Variants in PPDPFL observed in about 807,000 individuals in gnomAD.
PPDPFL encodes pancreatic progenitor cell differentiation and proliferation factor-like protein.
In PPDPFL, 12 loss-of-function variants were observed where a neutral mutation model predicts 12.6. The ratio of observed to expected loss-of-function variants is 0.95; its 90% CI spans 0.61 to 1.54. The LOEUF (loss-of-function observed/expected upper bound fraction) is 1.54, where lower values mean the gene tolerates loss of function less well. Ranked by LOEUF, PPDPFL falls within the 40% of genes most tolerant of loss-of-function variation. The pLI, the probability that PPDPFL is intolerant of heterozygous loss-of-function variation, is 0.00. For missense variants in PPDPFL, 114 were observed against 96.0 expected, an observed-to-expected ratio of 1.19 and a Z score of -0.78; for synonymous variants, 24 against 32.7, an observed-to-expected ratio of 0.73 and a Z score of 0.91.
chr8:49,062,925 T>G (rs145975626), intron 1 of PPDPFL, among the ~76,000 whole-genome samples: 1 of 152,332 alleles, frequency 6.6e-6, no homozygotes, highest in Non-Finnish European at 1.5e-5. Flanking sequence ...GAAGGAGGGC[T>G]GGGTTCCCAC....
chr8:49,063,971 C>T (rs1808254604), intron 1 of PPDPFL, among the ~76,000 whole-genome samples: 1 of 152,130 alleles, frequency 6.6e-6, no homozygotes, highest in Admixed American at 6.5e-5. Flanking sequence ...AGAAAGTGCA[C>T]CTGAGCCTCA....
intron 1 of PPDPFL, among the ~76,000 whole-genome samples, chr8:49,062,898 C>G (rs2129244164): frequency 6.6e-6 from 1 of 152,240 alleles, no homozygotes; most frequent in Non-Finnish European, 1.5e-5. Context: ...ACTTCTCAGA[C>G]CCAGAATTTA....
At chr8:49,073,945 G>C in intron 2 of PPDPFL, 114 bp from the exon 3 acceptor site, 1 of 693,870 alleles carries the variant, frequency 1.4e-6, no homozygotes. Context: ...GAATTCACAA[G>C]CCAGGAATAA....
chr8:49,058,285 A>G (rs1248732316), intron 1 of PPDPFL, among the ~76,000 whole-genome samples: 1 of 152,202 alleles, frequency 6.6e-6, no homozygotes, highest in African/African-American at 2.4e-5. Context: ...TTATAATTAA[A>G]TGGTACAATA....
At chr8:49,055,339 C>G (rs1194101221) in intron 1 of PPDPFL, among the ~76,000 whole-genome samples, 1 of 152,044 alleles carries the variant, frequency 6.6e-6, no homozygotes, top group Non-Finnish European at 1.5e-5. Flanking sequence ...CTTCTTGCCC[C>G]CTTTGTCTCA....
At chr8:49,071,000 C>T (rs1272292261), upstream of PPDPFL, among the ~76,000 whole-genome samples, 1 of 152,154 alleles carries the variant, frequency 6.6e-6, no homozygotes, top group Non-Finnish European at 1.5e-5. Flanking sequence ...CACATAACTG[C>T]AGCTTTTGTA....
At chr8:49,055,658 G>T (rs575246135) in intron 1 of PPDPFL, among the ~76,000 whole-genome samples, 1 of 152,190 alleles carries the variant, frequency 6.6e-6, no homozygotes, top group East Asian at 1.9e-4. Flanking sequence ...TCTGGCCTCT[G>T]TACTGAGCCT....
chr8:49,067,104 T>C (rs1478497909), intron 1 of PPDPFL, among the ~76,000 whole-genome samples: 2 of 152,178 alleles, frequency 1.3e-5, no homozygotes, highest in African/African-American at 2.4e-5. Flanking sequence ...CAGAGAAATA[T>C]AAAATTTAAA....
chr8:49,069,643 G>A (rs978034376), upstream of PPDPFL, among the ~76,000 whole-genome samples: 5 of 152,138 alleles, frequency 3.3e-5, no homozygotes, highest in Non-Finnish European at 5.9e-5. Context: ...CTGGACATAT[G>A]CCCAAAGGAA....
At chr8:49,069,529 G>A (rs182852144), upstream of PPDPFL, among the ~76,000 whole-genome samples, 4 of 152,284 alleles carry the variant, frequency 2.6e-5, no homozygotes, top group East Asian at 5.8e-4. Flanking sequence ...ACGCTTATAC[G>A]CTGTTGGTGG....
At chr8:49,067,109 T>C (rs144527733) in intron 1 of PPDPFL, among the ~76,000 whole-genome samples, 5 of 152,314 alleles carry the variant, frequency 3.3e-5, no homozygotes, top group Non-Finnish European at 7.3e-5. Flanking sequence ...AAATATAAAA[T>C]TTAAACAAAC....
chr8:49,074,355 T>A, intron 4 of PPDPFL, 22 bp downstream of exon 4: 1 of 1,606,334 alleles, frequency 6.2e-7, no homozygotes, highest in Non-Finnish European at 8.5e-7. Flanking sequence ...CCTTCTCTGG[T>A]AAGGGCAGTT....
At chr8:49,068,301 AG>A (rs1808330241), upstream of PPDPFL, among the ~76,000 whole-genome samples, 1 of 152,212 alleles carries the variant, frequency 6.6e-6, no homozygotes, top group Non-Finnish European at 1.5e-5. Flanking sequence ...AACTAGGGTC[AG>A]GTGAGAGTGG....
At chr8:49,057,365 T>A (rs752604867) in intron 1 of PPDPFL, among the ~76,000 whole-genome samples, 1 of 152,194 alleles carries the variant, frequency 6.6e-6, no homozygotes, top group Non-Finnish European at 1.5e-5. Context: ...TATGAAAAAT[T>A]CAATTAATTA....
chr8:49,058,386 A>G (rs1391005323), intron 1 of PPDPFL, among the ~76,000 whole-genome samples: 1 of 152,192 alleles, frequency 6.6e-6, no homozygotes, highest in East Asian at 1.9e-4. Flanking sequence ...ACTCTGCTGG[A>G]ATATGTGAGG....
At chr8:49,071,624 C>G (rs1254654143), upstream of PPDPFL, among the ~76,000 whole-genome samples, 1 of 151,792 alleles carries the variant, frequency 6.6e-6, no homozygotes, top group African/African-American at 2.4e-5. Context: ...CCACTGCACT[C>G]CAGCCTGGGC....
chr8:49,060,779 G>A (rs1053187134), intron 1 of PPDPFL, among the ~76,000 whole-genome samples: 5 of 152,112 alleles, frequency 3.3e-5, no homozygotes, highest in Non-Finnish European at 5.9e-5. Context: ...CAAAATTGGC[G>A]TAATGGAAGA....
At chr8:49,055,749 A>C (rs1356320476) in intron 1 of PPDPFL, among the ~76,000 whole-genome samples, 1 of 152,058 alleles carries the variant, frequency 6.6e-6, no homozygotes, top group Non-Finnish European at 1.5e-5. Context: ...CTTGGTCTAG[A>C]CACCATGGCA....
rs141643466 is a variant in PPDPFL, at chr8:49,066,954, A to G, written c.-44-5833A>G. ...GGATCTTTTCTGGAGAATCCTGCTC[A>G]TGAGAGCACACTGCTCTATGCTTCC... On this transcript the variant is annotated intron_variant, in intron 1 of 4. Transcript: ENST00000517663. 3.1e-3 allele frequency among the ~76,000 whole-genome samples: 475 copies of G among 152,232 alleles called. 1 individual carries two copies. Among genetic ancestry groups the G allele is most frequent in the Non-Finnish European group, 5.0e-3 (342 of 68,012 alleles).
Sources: allele counts gnomAD v4.1 joint callset (sites outside exome capture counted in the v4.1 genomes callset), GRCh38; gene constraint gnomAD v4.1.1; transcripts MANE v1.5; gene names NCBI Gene and HGNC (gene_info 2026-07-23, HGNC 2026-07-21).